The following SLC4A4 variants were observed in gnomAD, a reference collection of about 807,000 sequenced individuals.
SLC4A4 encodes electrogenic sodium bicarbonate cotransporter 1.
A neutral mutation model predicts 111.5 loss-of-function variants in SLC4A4; 27 were observed. The observed-to-expected ratio is 0.24, with a 90% CI of 0.18 to 0.33. SLC4A4 has a LOEUF of 0.33. Among genes scored for constraint, SLC4A4 ranks in the 10% least tolerant of loss-of-function variants. The probability of loss-of-function intolerance (pLI) is 1.00; values close to 1 mark genes in which losing one functional copy is unlikely to be tolerated. For missense variants in SLC4A4, 909 were observed against 1,315.5 expected, an observed-to-expected ratio of 0.69 and a Z score of 4.78; for synonymous variants, 443 against 463.4, an observed-to-expected ratio of 0.96 and a Z score of 0.57.
rs1743220830 is a variant in SLC4A4 at position 71,115,494 on chromosome 4, A to T, written c.-2+22702A>T. Among the ~76,000 whole-genome samples, 5 of 152,336 alleles carry T rather than the reference A, an allele frequency of 3.3e-5. No homozygotes were observed. The South Asian group carries it at 1.0e-3, about 32-fold the overall frequency. The stretch of plus-strand genomic sequence containing the variant: ...GGTGAGAACAGTTAGACATACTGGG[A>T]ATCAATTTGATGACTTGAAATTTGT... On this transcript the variant is annotated intron_variant, in intron 2 of 26. Transcript: ENST00000649996.
At chr4:71,214,683 A>G (rs1445556711) in intron 1 of SLC4A4, among the ~76,000 whole-genome samples, 1 of 152,220 alleles carries the variant, frequency 6.6e-6, no homozygotes, top group African/African-American at 2.4e-5. Context: ...AGATTTATTT[A>G]CTAATGTTTC....
At chr4:71,142,088 G>C (rs530897591) in intron 2 of SLC4A4, among the ~76,000 whole-genome samples, 1 of 152,250 alleles carries the variant, frequency 6.6e-6, no homozygotes, top group East Asian at 1.9e-4. Flanking sequence ...AATAGAGACA[G>C]GTTTAATCAA....
At chr4:71,157,644 C>A (rs1378008942) in intron 2 of SLC4A4, among the ~76,000 whole-genome samples, 2 of 152,120 alleles carry the variant, frequency 1.3e-5, no homozygotes, top group Admixed American at 6.5e-5. Flanking sequence ...ATTACATTAA[C>A]TTAGTACATA....
At chr4:71,532,235 T>A in intron 17 of SLC4A4, 60 bp downstream of exon 17, 1 of 1,002,798 alleles carries the variant, frequency 1.0e-6, no homozygotes. Context: ...TTCCCCCTAT[T>A]CTAATTTATT....
At chr4:71,318,369 C>T (rs767552363) in intron 3 of SLC4A4, among the ~76,000 whole-genome samples, 8 of 152,020 alleles carry the variant, frequency 5.3e-5, no homozygotes, top group Non-Finnish European at 8.8e-5. Flanking sequence ...TTGTCATTCA[C>T]GGCAGGACAT....
intron 3 of SLC4A4, among the ~76,000 whole-genome samples, chr4:71,270,994 C>T (rs1308147368): frequency 6.6e-6 from 1 of 152,148 alleles, no homozygotes; most frequent in Non-Finnish European, 1.5e-5. Flanking sequence ...CCAGGGATCC[C>T]TGCTATAGCT....
chr4:71,361,698 C>T (rs1260737292), intron 6 of SLC4A4, among the ~76,000 whole-genome samples: 1 of 152,092 alleles, frequency 6.6e-6, no homozygotes. Flanking sequence ...TCATATGATT[C>T]TACCTAATAA....
intron 2 of SLC4A4, among the ~76,000 whole-genome samples, chr4:71,160,022 C>T (rs1473451554): frequency 6.6e-6 from 1 of 152,006 alleles, no homozygotes; most frequent in Non-Finnish European, 1.5e-5. Flanking sequence ...TTATTGAATG[C>T]TTACTATGCC....
chr4:71,335,559 C>T (rs1313887876), intron 3 of SLC4A4, among the ~76,000 whole-genome samples: 1 of 152,180 alleles, frequency 6.6e-6, no homozygotes, highest in East Asian at 1.9e-4. Flanking sequence ...GGTGCAGTGG[C>T]TCATGCCTGT....
chr4:71,065,589 T>C (rs112520803), intron 1 of SLC4A4, among the ~76,000 whole-genome samples: 1 of 152,318 alleles, frequency 6.6e-6, no homozygotes, highest in African/African-American at 2.4e-5. Flanking sequence ...AATATATATA[T>C]ATTCTAATCC....
chr4:71,201,012 C>T (rs1746223540), intron 1 of SLC4A4, among the ~76,000 whole-genome samples: 1 of 152,176 alleles, frequency 6.6e-6, no homozygotes, highest in South Asian at 2.1e-4. Context: ...CAGGGTTTCC[C>T]TGTGCGAGTT....
intron 1 of SLC4A4, among the ~76,000 whole-genome samples, chr4:71,066,553 A>G (rs1286286999): frequency 6.6e-6 from 1 of 152,200 alleles, no homozygotes; most frequent in Non-Finnish European, 1.5e-5. Context: ...TACATAGCAG[A>G]AACAGTTCCA....
intron 3 of SLC4A4, among the ~76,000 whole-genome samples, chr4:71,306,723 C>T (rs765371470): frequency 2.0e-4 from 30 of 152,180 alleles, no homozygotes; most frequent in Non-Finnish European, 3.5e-4. Flanking sequence ...CATTTTGATA[C>T]ATTTTATGCT....
chr4:71,113,597 A>T (rs1446233463), intron 2 of SLC4A4, among the ~76,000 whole-genome samples: 1 of 152,058 alleles, frequency 6.6e-6, no homozygotes, highest in East Asian at 1.9e-4. Context: ...TTCCCTTTCC[A>T]TCCTTAATTG....
chr4:71,561,555 T>G (rs531485649), intron 23 of SLC4A4, among the ~76,000 whole-genome samples: 216 of 151,726 alleles, frequency 1.4e-3, no homozygotes, highest in Non-Finnish European at 1.1e-3. Context: ...ATAAATTGAT[T>G]CAATAAGAAA....
chr4:71,147,487 T>C (rs982370240), intron 2 of SLC4A4, among the ~76,000 whole-genome samples: 1 of 152,090 alleles, frequency 6.6e-6, no homozygotes, highest in Admixed American at 6.6e-5. Context: ...CAGTGATGCT[T>C]TTCCTTCCTT....
At chr4:71,108,982 A>G (rs1743018445) in intron 2 of SLC4A4, among the ~76,000 whole-genome samples, 1 of 152,010 alleles carries the variant, frequency 6.6e-6, no homozygotes, top group Non-Finnish European at 1.5e-5. Context: ...GGTCTTTCTC[A>G]GGGACATTTT....
At chr4:71,210,347 A>G (rs1578600268) in intron 1 of SLC4A4, among the ~76,000 whole-genome samples, 1 of 152,266 alleles carries the variant, frequency 6.6e-6, no homozygotes, top group African/African-American at 2.4e-5. Context: ...CACAGCATCT[A>G]TGCAATCTGT....
At position 71,544,071 on chromosome 4, in the gene SLC4A4, T is replaced by C. The variant is rs116568712; in HGVS notation, c.2443-2279T>C. The stretch of plus-strand genomic sequence containing the variant: ...AGATACAGTCCGGTCCTCATATTAC[T>C]TACAGTCTAATGTCAAAGACAGATG... On this transcript the variant is annotated intron_variant, in intron 18 of 25. Transcript: ENST00000264485. Among the ~76,000 whole-genome samples, 715 of 152,206 alleles carry C rather than the reference T, an allele frequency of 4.7e-3. 6 individuals carry two copies. The highest frequency in any genetic ancestry group is 0.015 in the African/African-American group (612 of 41,556).
Sources: allele counts gnomAD v4.1 joint callset (sites outside exome capture counted in the v4.1 genomes callset), GRCh38; gene constraint gnomAD v4.1.1; transcripts MANE v1.5; gene names NCBI Gene and HGNC (gene_info 2026-07-23, HGNC 2026-07-21).